Variants in GALNT18 observed in about 807,000 individuals in gnomAD.
GALNT18 encodes GalNAc-transferase 18.
Under a neutral mutation model 69.5 loss-of-function variants are expected in GALNT18, and 44 were observed. That is an observed-to-expected ratio of 0.63 (90% CI 0.50 to 0.81). The LOEUF (loss-of-function observed/expected upper bound fraction) is 0.81. Among genes scored for constraint, GALNT18 ranks in the 40% least tolerant of loss-of-function variants. GALNT18 has a pLI of 0.00. For synonymous variants in GALNT18, 364 were observed against 318.2 expected (o/e 1.14, Z -1.53); for missense variants, 715 against 810.0 (o/e 0.88, Z 1.42).
At position 11,543,242 on chromosome 11, in the gene GALNT18, A is replaced by C. The variant is rs1857966938; in HGVS notation, c.235+78117T>G. On this transcript the variant is annotated intron_variant, in intron 1 of 10. Transcript: ENST00000227756. The surrounding 1 kb of genome is among the most constrained non-coding windows in gnomAD (Gnocchi z 5.1). ...TTTTGGAAAGTTGTTAATTCCAGCCAGGCTGATCTGTGATCATTGCAAGTT... is the reference window on the plus strand; with the variant it reads ...TTTTGGAAAGTTGTTAATTCCAGCCCGGCTGATCTGTGATCATTGCAAGTT... Among the ~76,000 whole-genome samples, 1 of 152,228 alleles carries C rather than the reference A, an allele frequency of 6.6e-6. No individual in the cohort carries two copies. The highest frequency in any genetic ancestry group is 2.1e-4 in the South Asian group (1 of 4,828).
chr11:11,536,639 T>A (rs1329527640), intron 1 of GALNT18, among the ~76,000 whole-genome samples: 1 of 147,856 alleles, frequency 6.8e-6, no homozygotes, highest in East Asian at 2.0e-4. Flanking sequence ...ATCTTAGAAA[T>A]GAAAATTGAG....
chr11:11,554,977 A>G (rs1299306624), intron 1 of GALNT18, among the ~76,000 whole-genome samples: 1 of 152,174 alleles, frequency 6.6e-6, no homozygotes, highest in East Asian at 1.9e-4. Context: ...GAAACACAGA[A>G]TCTCTGAACC....
intron 6 of GALNT18, among the ~76,000 whole-genome samples, chr11:11,351,158 C>T (rs1471791055): frequency 1.3e-5 from 2 of 152,164 alleles, no homozygotes; most frequent in Non-Finnish European, 2.9e-5. Flanking sequence ...CCACTAGAGG[C>T]TGAGGATGCA....
chr11:11,544,796 T>A (rs1313267838), intron 1 of GALNT18, among the ~76,000 whole-genome samples: 5 of 152,214 alleles, frequency 3.3e-5, no homozygotes, highest in African/African-American at 1.2e-4. Flanking sequence ...GCCCCATCTC[T>A]AATTCACACT....
chr11:11,577,688 T>G (rs4910020), intron 1 of GALNT18, among the ~76,000 whole-genome samples: 145,624 of 152,296 alleles, frequency 0.96, 69,663 homozygotes, highest in South Asian at 0.99. Context: ...TTCGGGACCA[T>G]GCCCTAGGAA....
At chr11:11,589,008 G>A (rs539311704) in intron 1 of GALNT18, among the ~76,000 whole-genome samples, 1 of 152,174 alleles carries the variant, frequency 6.6e-6, no homozygotes, top group Non-Finnish European at 1.5e-5. Flanking sequence ...GCCCTATCTT[G>A]GGAAAGATTC....
chr11:11,353,365 T>C (rs1850460501), intron 6 of GALNT18: 2 of 595,762 alleles, frequency 3.4e-6, no homozygotes, highest in Admixed American at 6.2e-5. Flanking sequence ...GTCATTTTTA[T>C]CAGCTAACTG....
intron 1 of GALNT18, among the ~76,000 whole-genome samples, chr11:11,615,989 C>T (rs562181604): frequency 2.2e-4 from 33 of 151,290 alleles, no homozygotes; most frequent in African/African-American, 5.1e-4. Context: ...GTCTTTTTTT[C>T]TTCTTCTTCT....
At chr11:11,329,063 C>T (rs1208350596) in intron 8 of GALNT18, among the ~76,000 whole-genome samples, 1 of 150,832 alleles carries the variant, frequency 6.6e-6, no homozygotes, top group Non-Finnish European at 1.5e-5. Context: ...AAACCTGGCT[C>T]CAGCTGAGGG....
chr11:11,552,257 C>A (rs1244700343), intron 1 of GALNT18, among the ~76,000 whole-genome samples: 1 of 152,246 alleles, frequency 6.6e-6, no homozygotes, highest in Middle Eastern at 3.2e-3. Context: ...CACCCCTCAC[C>A]TGCCATGGCC....
chr11:11,553,965 C>G (rs1049481969), intron 1 of GALNT18, among the ~76,000 whole-genome samples: 1 of 152,198 alleles, frequency 6.6e-6, no homozygotes, highest in Non-Finnish European at 1.5e-5. Flanking sequence ...CTGATACTTC[C>G]GTAATTATAC....
intron 1 of GALNT18, among the ~76,000 whole-genome samples, chr11:11,545,053 C>T (rs1565004245): frequency 6.6e-6 from 1 of 152,212 alleles, no homozygotes; most frequent in Non-Finnish European, 1.5e-5. Context: ...CATTGCTGTG[C>T]TATCTTTCCA....
intron 1 of GALNT18, among the ~76,000 whole-genome samples, chr11:11,460,129 C>T (rs1018094599): frequency 6.6e-6 from 1 of 152,186 alleles, no homozygotes; most frequent in African/African-American, 2.4e-5. Flanking sequence ...GGCTACTCTC[C>T]CTCTTTAAAA....
rs1048955579 is a variant in GALNT18 at position 11,444,454 on chromosome 11, G to A, written c.428+4290C>T. 1.3e-4 allele frequency among the ~76,000 whole-genome samples: 20 copies of A among 152,234 alleles called. No homozygotes were observed. The highest frequency in any genetic ancestry group is 1.2e-3 in the Admixed American group (18 of 15,284). On this transcript the variant is annotated intron_variant, in intron 2 of 10. Transcript: ENST00000227756. This position sits in a 1 kb window ranked among gnomAD's most constrained non-coding sequence, Gnocchi z 4.4. ...TGTAAACTCCAGGAGATATCCGTCCGACGCTTTGTTGGGTGCCGGGCACAT... is the reference window on the plus strand; with the variant it reads ...TGTAAACTCCAGGAGATATCCGTCCAACGCTTTGTTGGGTGCCGGGCACAT...
intron 1 of GALNT18, among the ~76,000 whole-genome samples, chr11:11,489,972 TG>T (rs1416741758): frequency 6.6e-5 from 10 of 152,192 alleles, no homozygotes; most frequent in African/African-American, 2.4e-4. Context: ...ATGGCTGCCA[TG>T]GTTTGAATGT....
chr11:11,364,702 T>G (rs756577068), intron 6 of GALNT18, among the ~76,000 whole-genome samples: 6 of 152,214 alleles, frequency 3.9e-5, no homozygotes, highest in Non-Finnish European at 7.3e-5. Flanking sequence ...ACTAGAATAT[T>G]TGACAGTATT....
rs79838234 is a variant in GALNT18 at position 11,519,445 on chromosome 11, C to T, written c.236-70509G>A. On this transcript the variant is annotated intron_variant, in intron 1 of 10. Coordinates refer to ENST00000227756, the MANE Select transcript of GALNT18 (RefSeq NM_198516.3). The stretch of plus-strand genomic sequence containing the variant: ...CCAGATGCCTCCACGGCCACGCCCA[C>T]CTGTGAGCCAGAGGCATGGAAGCCT... Among the ~76,000 whole-genome samples the T allele has an allele frequency of 5.6e-3, 848 of 152,208 alleles. 9 individuals are homozygous for T. Among genetic ancestry groups the T allele is most frequent in the African/African-American group, 0.02 (820 of 41,520 alleles).
intron 1 of GALNT18, among the ~76,000 whole-genome samples, chr11:11,571,443 C>T (rs779781159): frequency 5.9e-5 from 9 of 152,202 alleles, no homozygotes; most frequent in African/African-American, 1.4e-4. Flanking sequence ...TCTCTGAGTC[C>T]GGGTGCCTGT....
At position 11,404,797 on chromosome 11, in the gene GALNT18, C is replaced by G. The variant is rs1383029602; in HGVS notation, c.596-25533G>C. On this transcript the variant is annotated intron_variant, in intron 3 of 10. Transcript: ENST00000227756. The surrounding 1 kb of genome is among the most constrained non-coding windows in gnomAD (Gnocchi z 4.5). ...AGACCCTGACCATACCCTGGCGACT[C>G]CATCAGCTATGATTTCACCACCACC... Among the ~76,000 whole-genome samples the G allele has an allele frequency of 6.6e-6, 1 of 152,164 alleles. No individual in the cohort carries two copies. The highest frequency in any genetic ancestry group is 1.5e-5 in the Non-Finnish European group (1 of 68,034).
Sources: allele counts gnomAD v4.1 joint callset (sites outside exome capture counted in the v4.1 genomes callset), GRCh38; gene constraint gnomAD v4.1.1; non-coding constraint Gnocchi (gnomAD v3.1); transcripts MANE v1.5; gene names NCBI Gene and HGNC (gene_info 2026-07-23, HGNC 2026-07-21).